The following EXOC4 variants were observed in gnomAD, a reference collection of about 807,000 sequenced individuals.
EXOC4 encodes the protein SEC8-like 1.
Under a neutral mutation model 107.2 loss-of-function variants are expected in EXOC4, and 71 were observed. The observed-to-expected ratio is 0.66, with a 90% CI of 0.55 to 0.81. The LOEUF (loss-of-function observed/expected upper bound fraction) is 0.81, where lower values mean the gene tolerates loss of function less well. Among genes scored for constraint, EXOC4 ranks in the 30% least tolerant of loss-of-function variants. The pLI, the probability that EXOC4 is intolerant of heterozygous loss-of-function variation, is 0.00. For missense variants in EXOC4, 1,108 were observed against 1,189.6 expected (o/e 0.93, Z 1.01); for synonymous variants, 456 against 441.2 (o/e 1.03, Z -0.42).
the EXOC4 span, among the ~76,000 whole-genome samples, chr7:134,098,581 C>A: frequency 6.6e-6 from 1 of 152,132 alleles, no homozygotes; most frequent in Non-Finnish European, 1.5e-5. Context: ...CAGCTGAGAA[C>A]ATCAGTACTT....
intron 11 of EXOC4, among the ~76,000 whole-genome samples, chr7:133,869,413 A>C (rs1336987971): frequency 6.6e-6 from 1 of 152,064 alleles, no homozygotes; most frequent in Admixed American, 6.6e-5. Context: ...CCCTGTCTTC[A>C]TCTGTAAAAT....
chr7:133,529,539 T>C (rs572698858), intron 9 of EXOC4, among the ~76,000 whole-genome samples: 10 of 152,216 alleles, frequency 6.6e-5, no homozygotes, highest in Non-Finnish European at 1.5e-4. Flanking sequence ...AATTATTATC[T>C]CATTTTGTAG....
intron 17 of EXOC4, among the ~76,000 whole-genome samples, chr7:134,043,830 C>T (rs569245185): frequency 6.6e-6 from 1 of 152,282 alleles, no homozygotes; most frequent in South Asian, 2.1e-4. Context: ...TTGGCCAGGG[C>T]AGTCTCTGTG....
the EXOC4 span, among the ~76,000 whole-genome samples, chr7:134,080,784 A>G: frequency 6.6e-6 from 1 of 151,896 alleles, no homozygotes; most frequent in Non-Finnish European, 1.5e-5. Context: ...AAAAATATAT[A>G]TATATATAAA....
At chr7:133,274,516 G>T (rs1793944260) in intron 1 of EXOC4, among the ~76,000 whole-genome samples, 1 of 152,192 alleles carries the variant, frequency 6.6e-6, no homozygotes, top group South Asian at 2.1e-4. Flanking sequence ...TTGTAACATG[G>T]CTGAAGTGTC....
intron 17 of EXOC4, among the ~76,000 whole-genome samples, chr7:134,062,760 C>A (rs75188159): frequency 0.028 from 4,325 of 152,314 alleles, 186 homozygotes; most frequent in African/African-American, 0.093. Context: ...GTCCAGTAGA[C>A]TGAGAGATAG....
chr7:133,749,024 A>T (rs1795734970), intron 10 of EXOC4, among the ~76,000 whole-genome samples: 1 of 152,244 alleles, frequency 6.6e-6, no homozygotes, highest in African/African-American at 2.4e-5. Context: ...CAAGGATTTC[A>T]GTGGATAGGC....
intron 10 of EXOC4, among the ~76,000 whole-genome samples, chr7:133,804,137 A>G (rs1346898544): frequency 6.6e-6 from 1 of 152,210 alleles, no homozygotes; most frequent in Non-Finnish European, 1.5e-5. Flanking sequence ...GAACCACTGT[A>G]GAAAAATAAC....
the EXOC4 span, among the ~76,000 whole-genome samples, chr7:134,099,278 G>A: frequency 6.6e-6 from 1 of 152,068 alleles, no homozygotes; most frequent in Non-Finnish European, 1.5e-5. Flanking sequence ...GCAGAAGCAG[G>A]AAGGTCATTT....
intron 10 of EXOC4, among the ~76,000 whole-genome samples, chr7:133,658,112 T>C (rs1411554239): frequency 6.6e-6 from 1 of 152,040 alleles, no homozygotes; most frequent in East Asian, 1.9e-4. Flanking sequence ...ATGACTAATA[T>C]TCAGTTAGGG....
chr7:134,075,825 C>G, the EXOC4 span, among the ~76,000 whole-genome samples: 1 of 152,204 alleles, frequency 6.6e-6, no homozygotes, highest in Non-Finnish European at 1.5e-5. Flanking sequence ...CTCAGTGCCC[C>G]CTCTGTCACA....
intron 2 of EXOC4, among the ~76,000 whole-genome samples, chr7:133,284,158 G>C (rs138857407): frequency 6.6e-6 from 1 of 152,280 alleles, no homozygotes. Flanking sequence ...GTAAGCAAAA[G>C]TGAGAAGTGA....
In EXOC4 at chr7:133,852,740, TGTCCTTGGGGTGGAGATTGGG is replaced by T. The variant is rs1356956040; in HGVS notation, c.1734+35198_1734+35218del. On this transcript the variant is annotated intron_variant, in intron 11 of 17. Transcript: ENST00000253861. ...ATAAGCATAGCATTTTCCTGACTCCTGTCCTTGGGGTGGAGATTGGGGAACAAGTAAAAGCTTATAGAGTCT... is the reference window on the plus strand; with the variant it reads ...ATAAGCATAGCATTTTCCTGACTCCTGAACAAGTAAAAGCTTATAGAGTCT... 3.3e-5 allele frequency among the ~76,000 whole-genome samples: 5 copies of T among 152,348 alleles called. No homozygotes were observed. The South Asian group carries it at 1.0e-3, about 32-fold the overall frequency.
intron 10 of EXOC4, among the ~76,000 whole-genome samples, chr7:133,729,084 C>A (rs1281764746): frequency 6.6e-6 from 1 of 152,114 alleles, no homozygotes; most frequent in African/African-American, 2.4e-5. Flanking sequence ...ATCCATAGTT[C>A]TATTCTGTAG....
intron 5 of EXOC4, among the ~76,000 whole-genome samples, chr7:133,347,091 A>G (rs998137294): frequency 2.0e-5 from 3 of 152,156 alleles, no homozygotes; most frequent in Non-Finnish European, 4.4e-5. Context: ...ACTCACTAGG[A>G]CACGAAGTAA....
chr7:133,959,144 C>G (rs150406806), intron 14 of EXOC4, among the ~76,000 whole-genome samples: 1 of 152,106 alleles, frequency 6.6e-6, no homozygotes, highest in Non-Finnish European at 1.5e-5. Context: ...CAGTCAGCCC[C>G]ACTTAAATAT....
chr7:133,343,229 G>A (rs1291910654), intron 5 of EXOC4, among the ~76,000 whole-genome samples: 2 of 152,074 alleles, frequency 1.3e-5, no homozygotes, highest in East Asian at 1.9e-4. Flanking sequence ...TTGATGTGGT[G>A]CTCTCCCCAT....
chr7:133,347,737 A>ATGTG (rs144171871), intron 5 of EXOC4, among the ~76,000 whole-genome samples: 1 of 151,432 alleles, frequency 6.6e-6, no homozygotes, highest in Non-Finnish European at 1.5e-5. Flanking sequence ...TATACATACA[A>ATGTG]TGTGTGTGTG....
At chr7:133,765,133 TTTATGAAAA>T (rs1485887984) in intron 10 of EXOC4, among the ~76,000 whole-genome samples, 1 of 152,054 alleles carries the variant, frequency 6.6e-6, no homozygotes, top group Non-Finnish European at 1.5e-5. Context: ...TGTTATACTG[TTTATGAAAA>T]TAAGTTTTCT....
Sources: gnomAD v4.1 joint callset for allele counts (sites outside exome capture counted in the v4.1 genomes callset) on GRCh38, gnomAD v4.1.1 for gene constraint, MANE v1.5 for transcripts, NCBI Gene and HGNC (gene_info 2026-07-23, HGNC 2026-07-21) for gene names.